Variants in RNF4 observed in about 807,000 individuals in gnomAD.
The protein encoded by RNF4 is E3 ubiquitin-protein ligase RNF4.
RNF4 carries 7 observed loss-of-function variants against 24.3 expected under a neutral mutation model. That is an observed-to-expected ratio of 0.29 (90% CI 0.16 to 0.54). RNF4 has a LOEUF of 0.54. Among genes scored for constraint, RNF4 ranks in the 20% least tolerant of loss-of-function variants. The pLI is 0.95. For missense variants in RNF4, 209 were observed against 248.5 expected, an observed-to-expected ratio of 0.84 and a Z score of 1.07; for synonymous variants, 83 against 84.3, an observed-to-expected ratio of 0.98 and a Z score of 0.09.
chr4:2,497,202 GC>G (rs1304611925), intron 3 of RNF4, 81 bp downstream of exon 3: 74 of 1,037,250 alleles, frequency 7.1e-5, no homozygotes, highest in Middle Eastern at 4.1e-4. Context: ...AGTAGAAGGT[GC>G]TTTCAGTGTC....
intron 1 of RNF4, among the ~76,000 whole-genome samples, chr4:2,482,575 C>G (rs902300371): frequency 2.0e-5 from 3 of 152,212 alleles, no homozygotes; most frequent in African/African-American, 7.2e-5. Flanking sequence ...CCTAGGCCAT[C>G]TTGGCTGATA....
intron 1 of RNF4, among the ~76,000 whole-genome samples, chr4:2,482,271 C>A (rs1482353754): frequency 6.6e-6 from 1 of 152,180 alleles, no homozygotes; most frequent in Non-Finnish European, 1.5e-5. Flanking sequence ...GTCTCACAAC[C>A]ATCCCTGTAC....
intron 1 of RNF4, among the ~76,000 whole-genome samples, chr4:2,482,371 C>T (rs575786179): frequency 1.3e-5 from 2 of 152,342 alleles, no homozygotes; most frequent in South Asian, 4.1e-4. Flanking sequence ...CCATCAACAC[C>T]AGGTAGCTTG....
intron 3 of RNF4, among the ~76,000 whole-genome samples, chr4:2,499,599 T>C (rs1422497910): frequency 6.6e-6 from 1 of 152,168 alleles, no homozygotes; most frequent in Non-Finnish European, 1.5e-5. Context: ...TTAATATTAA[T>C]ATTAATAGTA....
chr4:2,472,532 G>T (rs201236767), intron 1 of RNF4, among the ~76,000 whole-genome samples: 1 of 149,722 alleles, frequency 6.7e-6, no homozygotes, highest in African/African-American at 2.5e-5. Flanking sequence ...CTGGTGGATC[G>T]CTTGAGCTCA....
At chr4:2,471,123 C>G (rs923380907) in intron 1 of RNF4, 8 of 152,094 alleles carry the variant, frequency 5.3e-5, no homozygotes, top group African/African-American at 1.9e-4. Flanking sequence ...TGTACTACCA[C>G]ACCCAGTTAA....
chr4:2,509,365 G>A (rs1002355874), intron 4 of RNF4, among the ~76,000 whole-genome samples: 12 of 148,950 alleles, frequency 8.1e-5, no homozygotes, highest in Non-Finnish European at 1.6e-4. Flanking sequence ...CTACAGCCAC[G>A]CGCCACCACA....
chr4:2,499,024 C>T (rs1735828404), intron 3 of RNF4, among the ~76,000 whole-genome samples: 1 of 152,146 alleles, frequency 6.6e-6, no homozygotes, highest in Non-Finnish European at 1.5e-5. Flanking sequence ...TGGCGAAACC[C>T]CATCTCTACT....
intron 4 of RNF4, 145 bp from the exon 5 acceptor site, chr4:2,511,811 G>A: frequency 1.3e-6 from 1 of 747,852 alleles, no homozygotes; most frequent in Non-Finnish European, 2.3e-6. Context: ...GATCCTCTGT[G>A]GGTGGGAGGA....
At chr4:2,486,334 C>A (rs1049806867) in intron 1 of RNF4, among the ~76,000 whole-genome samples, 12 of 152,118 alleles carry the variant, frequency 7.9e-5, no homozygotes, top group Admixed American at 5.9e-4. Flanking sequence ...GGCTACTTTC[C>A]CATGACCGCT....
intron 1 of RNF4, among the ~76,000 whole-genome samples, chr4:2,478,104 C>G (rs1257483936): frequency 6.6e-6 from 1 of 152,152 alleles, no homozygotes; most frequent in Non-Finnish European, 1.5e-5. Context: ...AAGAGACTAG[C>G]CGCATTTTGC....
At chr4:2,486,965 G>T (rs1252126069) in intron 1 of RNF4, among the ~76,000 whole-genome samples, 1 of 152,176 alleles carries the variant, frequency 6.6e-6, no homozygotes, top group East Asian at 1.9e-4. Flanking sequence ...AGGACATGTG[G>T]TGGATCTGGG....
chr4:2,494,942 T>C (rs1044804822), intron 2 of RNF4, among the ~76,000 whole-genome samples: 4 of 152,224 alleles, frequency 2.6e-5, no homozygotes, highest in African/African-American at 9.6e-5. Context: ...AAATTTTGCT[T>C]TTAAGAGAAG....
chr4:2,508,758 G>A (rs553854049), intron 4 of RNF4, among the ~76,000 whole-genome samples: 44 of 151,470 alleles, frequency 2.9e-4, no homozygotes, highest in African/African-American at 9.9e-4. Flanking sequence ...TTACAGACAT[G>A]AGCCACCACA....
intron 1 of RNF4, among the ~76,000 whole-genome samples, chr4:2,485,593 A>G (rs556356141): frequency 6.6e-6 from 1 of 152,104 alleles, no homozygotes; most frequent in African/African-American, 2.4e-5. Context: ...CCTTGGCGTG[A>G]GTTGTTTCTC....
chr4:2,483,902 G>A (rs1286897665), intron 1 of RNF4, among the ~76,000 whole-genome samples: 2 of 151,240 alleles, frequency 1.3e-5, no homozygotes, highest in Non-Finnish European at 2.9e-5. Context: ...GTGCGATCTC[G>A]GCTCACCTCC....
chr4:2,500,134 G>A (rs976402780), intron 3 of RNF4, among the ~76,000 whole-genome samples: 2 of 148,678 alleles, frequency 1.3e-5, no homozygotes, highest in African/African-American at 5.0e-5. Context: ...TCCAGCCTTG[G>A]CGACAGAGCG....
intron 4 of RNF4, chr4:2,505,269 C>T (rs1481865324): frequency 1.3e-5 from 2 of 151,600 alleles, no homozygotes; most frequent in African/African-American, 4.9e-5. Context: ...GTGTCTTCTC[C>T]AGTGCTGTCT....
At position 2,512,690 on chromosome 4, in the gene RNF4, C is replaced by T; in HGVS notation, c.374+93C>T. On this transcript the variant is annotated intron_variant, in intron 6 of 7. Transcript: ENST00000314289. The surrounding 1 kb of genome is among the most constrained non-coding windows in gnomAD (Gnocchi z 4.1). ...TCAGCAAATCTGTGAGCCCTTGGCC[C>T]TGGAAGGGCTTGCCCAAGCCTCTAC... 5 of 1,442,010 alleles carry T rather than the reference C, an allele frequency of 3.5e-6. No individual in the cohort carries two copies. Among genetic ancestry groups the T allele is most frequent in the Non-Finnish European group, 4.7e-6 (5 of 1,065,260 alleles). The allele number at this position is 1,442,010 out of a possible 1,614,324, so 89.3% of individuals were successfully genotyped here. A position where few individuals can be genotyped will look rare whatever the true frequency, so the allele number is the denominator to read the frequency against.
Sources: gnomAD v4.1 joint callset for allele counts (sites outside exome capture counted in the v4.1 genomes callset) on GRCh38, gnomAD v4.1.1 for gene constraint, Gnocchi (gnomAD v3.1) non-coding constraint, MANE v1.5 for transcripts, NCBI Gene and HGNC (gene_info 2026-07-23, HGNC 2026-07-21) for gene names.